ATRNL1: variants seen among roughly 807,000 people sequenced by gnomAD.
ATRNL1 encodes attractin like 1.
In ATRNL1, 95 loss-of-function variants were observed where a neutral mutation model predicts 182.7. The ratio of observed to expected loss-of-function variants is 0.52; its 90% CI spans 0.44 to 0.62. The LOEUF is 0.62. Ranked by LOEUF, ATRNL1 falls within the 20% of genes least tolerant of loss-of-function variation. ATRNL1 has a pLI of 0.00. For synonymous variants in ATRNL1, 576 were observed against 568.3 expected, an observed-to-expected ratio of 1.01 and a Z score of -0.19; for missense variants, 1,471 against 1,679.5, an observed-to-expected ratio of 0.88 and a Z score of 2.17.
intron 20 of ATRNL1, among the ~76,000 whole-genome samples, chr10:115,413,616 C>A (rs77019790): frequency 0.015 from 2,264 of 152,136 alleles, 21 homozygotes; most frequent in South Asian, 0.025. Context: ...CTCACATTGT[C>A]CAAGATTTGG....
intron 19 of ATRNL1, among the ~76,000 whole-genome samples, chr10:115,350,259 C>G (rs1338806769): frequency 1.4e-5 from 2 of 140,326 alleles, no homozygotes; most frequent in Non-Finnish European, 3.0e-5. Context: ...TCACTTGAAC[C>G]CGGGAGGCGG....
At chr10:115,762,701 A>G (rs1224096917) in intron 27 of ATRNL1, among the ~76,000 whole-genome samples, 1 of 152,066 alleles carries the variant, frequency 6.6e-6, no homozygotes, top group African/African-American at 2.4e-5. Flanking sequence ...AAATTACTCC[A>G]TACTTGAGAA....
At chr10:115,239,362 A>C (rs1850316609) in intron 9 of ATRNL1, among the ~76,000 whole-genome samples, 1 of 151,972 alleles carries the variant, frequency 6.6e-6, no homozygotes, top group African/African-American at 2.4e-5. Context: ...CCTCCCGAGT[A>C]GCTGGGACTA....
At chr10:115,296,702 G>T (rs1004692549) in intron 15 of ATRNL1, among the ~76,000 whole-genome samples, 4 of 151,966 alleles carry the variant, frequency 2.6e-5, no homozygotes, top group Non-Finnish European at 5.9e-5. Context: ...TTACGTCTGG[G>T]ATTAATAGGG....
intron 21 of ATRNL1, among the ~76,000 whole-genome samples, chr10:115,448,552 A>G (rs1315629988): frequency 6.6e-6 from 1 of 152,084 alleles, no homozygotes; most frequent in African/African-American, 2.4e-5. Context: ...AAAGGGCTAA[A>G]TGCCCACATC....
In ATRNL1 at chr10:115,706,037, T is replaced by C. The variant is rs973480050; in HGVS notation, c.3796-21211T>C. Among the ~76,000 whole-genome samples the C allele has an allele frequency of 2.0e-5, 3 of 152,016 alleles. No individual in the cohort carries two copies. The East Asian group carries it at 5.8e-4, about 29-fold the overall frequency. On this transcript the variant is annotated intron_variant, in intron 26 of 28. Coordinates refer to ENST00000355044, the MANE Select transcript of ATRNL1 (RefSeq NM_207303.4). ...TGTCATATTAGTTCCCTGTGGCTAGTACAACACAATTACTGTAAACTCAAT... is the reference window on the plus strand; with the variant it reads ...TGTCATATTAGTTCCCTGTGGCTAGCACAACACAATTACTGTAAACTCAAT...
chr10:115,538,660 C>A (rs1334046828), intron 25 of ATRNL1, among the ~76,000 whole-genome samples: 1 of 152,104 alleles, frequency 6.6e-6, no homozygotes, highest in East Asian at 1.9e-4. Flanking sequence ...TTTTCATTCT[C>A]TTAACAGTAT....
chr10:115,549,876 T>A (rs1348322512), intron 26 of ATRNL1, among the ~76,000 whole-genome samples: 3 of 152,004 alleles, frequency 2.0e-5, no homozygotes, highest in African/African-American at 7.2e-5. Flanking sequence ...CATAAGCGTC[T>A]GTTGAAATTT....
At chr10:115,735,400 G>A (rs113497577) in intron 27 of ATRNL1, among the ~76,000 whole-genome samples, 24 of 152,206 alleles carry the variant, frequency 1.6e-4, no homozygotes, top group Admixed American at 1.2e-3. Flanking sequence ...TCTGATTTCC[G>A]TTGTTGCTGT....
chr10:115,367,461 T>G (rs1480036427), intron 19 of ATRNL1, among the ~76,000 whole-genome samples: 2 of 148,880 alleles, frequency 1.3e-5, no homozygotes, highest in Non-Finnish European at 3.0e-5. Context: ...GCCTTTGGTT[T>G]GAATGTCCTC....
intron 21 of ATRNL1, among the ~76,000 whole-genome samples, chr10:115,456,511 C>T (rs936270836): frequency 2.6e-5 from 4 of 152,020 alleles, no homozygotes; most frequent in Admixed American, 2.0e-4. Context: ...TGAAGAATAG[C>T]GTTAGGAGAA....
At chr10:115,323,419 C>T (rs1160454951) in intron 18 of ATRNL1, among the ~76,000 whole-genome samples, 1 of 122,472 alleles carries the variant, frequency 8.2e-6, no homozygotes, top group African/African-American at 3.3e-5. Context: ...CCTCCCCTCC[C>T]CTCCCCTCCC....
intron 27 of ATRNL1, among the ~76,000 whole-genome samples, chr10:115,729,319 C>T (rs1947713267): frequency 6.7e-6 from 1 of 149,126 alleles, no homozygotes; most frequent in African/African-American, 2.5e-5. Flanking sequence ...TCTTTTAGTC[C>T]ATATTTTCTG....
intron 5 of ATRNL1, among the ~76,000 whole-genome samples, chr10:115,139,279 T>C: frequency 6.6e-6 from 1 of 152,212 alleles, no homozygotes; most frequent in East Asian, 1.9e-4. Flanking sequence ...AGTTCCAAAG[T>C]CACTTCTACA....
In ATRNL1 at chr10:115,093,978, C is replaced by T; in HGVS notation, c.228C>T (p.Asn76=). 6.3e-7 allele frequency: 1 copy of T among 1,584,510 alleles called. No individual in the cohort carries two copies. The highest frequency in any genetic ancestry group is 8.6e-7 in the Non-Finnish European group (1 of 1,167,354). ...CCTGCTTCTCGGGCCGCTGTGTCAA[C>T]TCCACCTGCCTCTGCGACCCGGGCT... ...TGSCFSGRCV[N]STCLCDPGWV... Residue 76 remains asparagine, a synonymous_variant, in exon 1 of 29, where the codon AAC becomes AAT. Transcript: ENST00000355044. This position sits in a 1 kb window ranked among gnomAD's most constrained non-coding sequence, Gnocchi z 6.1.
intron 25 of ATRNL1, among the ~76,000 whole-genome samples, chr10:115,546,916 G>T (rs1374765454): frequency 6.6e-6 from 1 of 152,214 alleles, no homozygotes; most frequent in East Asian, 1.9e-4. Flanking sequence ...ACAGCAGACT[G>T]ATTTTGTTTA....
intron 28 of ATRNL1, among the ~76,000 whole-genome samples, chr10:115,857,136 TC>T (rs1951207689): frequency 6.6e-6 from 1 of 152,226 alleles, no homozygotes; most frequent in Admixed American, 6.5e-5. Context: ...AATAACATTT[TC>T]CTTTTTCTAG....
chr10:115,613,999 G>T (rs1386245622), intron 26 of ATRNL1, among the ~76,000 whole-genome samples: 1 of 150,134 alleles, frequency 6.7e-6, no homozygotes, highest in Non-Finnish European at 1.5e-5. Flanking sequence ...TATTATATGG[G>T]GTTTTCTTTT....
intron 26 of ATRNL1, among the ~76,000 whole-genome samples, chr10:115,670,910 C>G (rs1945677469): frequency 6.6e-6 from 1 of 152,090 alleles, no homozygotes; most frequent in African/African-American, 2.4e-5. Context: ...AATGTCGAAA[C>G]ACTTTAGATG....
Sources: gnomAD v4.1 joint callset for allele counts (sites outside exome capture counted in the v4.1 genomes callset) on GRCh38, gnomAD v4.1.1 for gene constraint, Gnocchi (gnomAD v3.1) non-coding constraint, MANE v1.5 for transcripts, NCBI Gene and HGNC (gene_info 2026-07-23, HGNC 2026-07-21) for gene names.